Variants in KLF12 observed in about 807,000 individuals in gnomAD.
KLF12 encodes KLF transcription factor 12.
A neutral mutation model predicts 37.8 loss-of-function variants in KLF12; 9 were observed. That is an observed-to-expected ratio of 0.24 (90% CI 0.14 to 0.42). The LOEUF (loss-of-function observed/expected upper bound fraction) is 0.42. Ranked by LOEUF, KLF12 falls within the 10% of genes least tolerant of loss-of-function variation. The pLI is 1.00. For missense variants in KLF12, 411 were observed against 516.0 expected (o/e 0.80, Z 1.97); for synonymous variants, 208 against 202.1 (o/e 1.03, Z -0.25).
the KLF12 span, among the ~76,000 whole-genome samples, chr13:74,222,783 A>G: frequency 1.3e-5 from 2 of 152,234 alleles, no homozygotes; most frequent in Admixed American, 1.3e-4. Flanking sequence ...ATTTATTTAT[A>G]ACTAACTAAA....
chr13:74,129,027 T>C (rs949753813), intron 1 of KLF12, among the ~76,000 whole-genome samples: 7 of 152,168 alleles, frequency 4.6e-5, no homozygotes, highest in African/African-American at 1.7e-4. Flanking sequence ...ATGATGAATA[T>C]ATATGTATAT....
the KLF12 span, among the ~76,000 whole-genome samples, chr13:74,261,005 G>A: frequency 6.6e-6 from 1 of 152,098 alleles, no homozygotes; most frequent in Non-Finnish European, 1.5e-5. Flanking sequence ...GTGTGAGGGG[G>A]GTGAGGTAAA....
Position 73,983,380 on chromosome 13 carries a change from C to T in KLF12, c.33+11610G>A, listed in dbSNP as rs145318837. ...CAGCACGGACCTTTCACTACCCATC[C>T]CATTCTTCTCTCCAGTATCAGTGCC... On this transcript the variant is annotated intron_variant, in intron 2 of 7. Coordinates refer to ENST00000377669, the MANE Select transcript of KLF12 (RefSeq NM_007249.5). Among the ~76,000 whole-genome samples, 16 of 152,300 alleles carry T rather than the reference C, an allele frequency of 1.1e-4. No homozygotes were observed. The East Asian group carries it at 2.9e-3, about 28-fold the overall frequency.
chr13:74,033,411 G>A (rs1300504707), intron 1 of KLF12, among the ~76,000 whole-genome samples: 1 of 152,108 alleles, frequency 6.6e-6, no homozygotes, highest in African/African-American at 2.4e-5. Flanking sequence ...TGTTATTTCT[G>A]TTAACTAATC....
At chr13:73,841,413 C>CA (rs368339085) in intron 4 of KLF12, among the ~76,000 whole-genome samples, 9 of 151,862 alleles carry the variant, frequency 5.9e-5, no homozygotes, top group Admixed American at 5.2e-4. Flanking sequence ...TAAAAAATTG[C>CA]AAAAAAAGTC....
chr13:73,965,147 G>A (rs948699971), intron 2 of KLF12, among the ~76,000 whole-genome samples: 4 of 151,906 alleles, frequency 2.6e-5, no homozygotes, highest in African/African-American at 9.7e-5. Flanking sequence ...TTTACCTTAG[G>A]ATCCAATGCC....
rs191093021 is a variant in KLF12, at chr13:73,847,961, T to C, written c.124-1588A>G. Reference sequence around the variant, plus strand: ...TAGAATAATGCAAAATGTTTCTTATTACTATATTATACCCACATAGAAATT... The same window carrying C: ...TAGAATAATGCAAAATGTTTCTTATCACTATATTATACCCACATAGAAATT... On this transcript the variant is annotated intron_variant, in intron 3 of 7. Coordinates refer to ENST00000377669, the MANE Select transcript of KLF12 (RefSeq NM_007249.5). Among the ~76,000 whole-genome samples the C allele has an allele frequency of 2.9e-3, 436 of 152,320 alleles. 1 individual carries two copies. The highest frequency in any genetic ancestry group is 9.9e-3 in the African/African-American group (413 of 41,578).
At chr13:73,748,785 G>T (rs1190730153) in intron 6 of KLF12, among the ~76,000 whole-genome samples, 1 of 152,172 alleles carries the variant, frequency 6.6e-6, no homozygotes, top group Non-Finnish European at 1.5e-5. Flanking sequence ...TGATAGTGAA[G>T]AGTTTGATGA....
At chr13:74,299,346 A>T in the KLF12 span, among the ~76,000 whole-genome samples, 1 of 152,224 alleles carries the variant, frequency 6.6e-6, no homozygotes, top group African/African-American at 2.4e-5. Flanking sequence ...GACCTGGCTC[A>T]GGCTTTGCTG....
chr13:74,219,545 A>C, the KLF12 span, among the ~76,000 whole-genome samples: 8 of 152,232 alleles, frequency 5.3e-5, no homozygotes, highest in Non-Finnish European at 1.2e-4. Flanking sequence ...TACATTCCTA[A>C]GATTGGAGTT....
chr13:74,172,882 T>C, the KLF12 span, among the ~76,000 whole-genome samples: 6 of 152,206 alleles, frequency 3.9e-5, no homozygotes, highest in African/African-American at 9.7e-5. Flanking sequence ...CCACCCTTTT[T>C]CTGATCAACA....
chr13:73,794,187 G>A (rs1246370362), intron 5 of KLF12, among the ~76,000 whole-genome samples: 1 of 152,248 alleles, frequency 6.6e-6, no homozygotes, highest in African/African-American at 2.4e-5. Context: ...CAGGCCGGGT[G>A]TGATGGCTCA....
chr13:73,789,835 C>T (rs1881570665), intron 5 of KLF12, among the ~76,000 whole-genome samples: 1 of 152,066 alleles, frequency 6.6e-6, no homozygotes, highest in African/African-American at 2.4e-5. Flanking sequence ...CGCCACTACG[C>T]CCGGTTTATT....
intron 3 of KLF12, among the ~76,000 whole-genome samples, chr13:73,907,611 C>G (rs2139126928): frequency 6.6e-6 from 1 of 152,244 alleles, no homozygotes; most frequent in East Asian, 1.9e-4. Flanking sequence ...TCCCCAAATT[C>G]AAAATTAATC....
At chr13:74,123,997 G>T (rs959558310) in intron 1 of KLF12, among the ~76,000 whole-genome samples, 1 of 152,006 alleles carries the variant, frequency 6.6e-6, no homozygotes, top group East Asian at 1.9e-4. Context: ...CAGGCACAAA[G>T]CAATTTTTGT....
At chr13:74,119,332 CAAA>C (rs35654507) in intron 1 of KLF12, among the ~76,000 whole-genome samples, 10 of 142,104 alleles carry the variant, frequency 7.0e-5, no homozygotes, top group South Asian at 2.2e-4. Flanking sequence ...ACTCTTATCG[CAAA>C]AAAAAAAAAA....
At chr13:73,991,513 C>A (rs9592962) in intron 2 of KLF12, among the ~76,000 whole-genome samples, 2 of 152,240 alleles carry the variant, frequency 1.3e-5, no homozygotes, top group East Asian at 3.9e-4. Context: ...CAGTTTTAAA[C>A]CTTTTTCACA....
At chr13:74,201,756 G>C in the KLF12 span, among the ~76,000 whole-genome samples, 54 of 152,256 alleles carry the variant, frequency 3.5e-4, no homozygotes, top group African/African-American at 1.2e-3. Context: ...TAGTTTGACA[G>C]TCTTTGCCAA....
Position 73,738,118 on chromosome 13 carries a change from T to TAC in KLF12, c.870-22594_870-22593insGT, listed in dbSNP as rs1279628991. Among the ~76,000 whole-genome samples the TAC allele has an allele frequency of 2.9e-3, 189 of 65,274 alleles. 1 individual carries two copies. Among genetic ancestry groups the TAC allele is most frequent in the African/African-American group, 9.7e-3 (92 of 9,522 alleles). The allele number at this position is 65,274 out of a possible 152,430, so 42.8% of individuals were successfully genotyped here. A position where few individuals can be genotyped will look rare whatever the true frequency, so the allele number is the denominator to read the frequency against. The stretch of plus-strand genomic sequence containing the variant: ...ATATATATATATATATATATATATA[T>TAC]ATATATACACACACACACATATATA... On this transcript the variant is annotated intron_variant, in intron 6 of 7. Coordinates refer to ENST00000377669, the MANE Select transcript of KLF12 (RefSeq NM_007249.5).
Sources: allele counts gnomAD v4.1 joint callset (sites outside exome capture counted in the v4.1 genomes callset), GRCh38; gene constraint gnomAD v4.1.1; transcripts MANE v1.5; gene names NCBI Gene and HGNC (gene_info 2026-07-23, HGNC 2026-07-21).